RBFOX1: variants seen among roughly 807,000 people sequenced by gnomAD.
RBFOX1 encodes the protein RNA binding fox-1 homolog 1.
RBFOX1 carries 8 observed loss-of-function variants against 57.7 expected under a neutral mutation model. That is an observed-to-expected ratio of 0.14 (90% confidence interval 0.08 to 0.25). The LOEUF is 0.25. Among genes scored for constraint, RBFOX1 ranks in the 10% least tolerant of loss-of-function variants. The probability of loss-of-function intolerance (pLI) is 1.00; values close to 1 mark genes in which losing one functional copy is unlikely to be tolerated. For missense variants in RBFOX1, 611 were observed against 548.5 expected, an observed-to-expected ratio of 1.11 and a Z score of -1.14; for synonymous variants, 326 against 222.4, an observed-to-expected ratio of 1.47 and a Z score of -4.15.
intron 2 of RBFOX1, among the ~76,000 whole-genome samples, chr16:6,587,843 C>T (rs2097651964): frequency 6.6e-6 from 1 of 152,168 alleles, no homozygotes; most frequent in Non-Finnish European, 1.5e-5. Flanking sequence ...TCTCTTTCTA[C>T]CCTCCGTCTT....
intron 3 of RBFOX1, among the ~76,000 whole-genome samples, chr16:6,999,888 A>C (rs902765525): frequency 1.3e-5 from 2 of 152,042 alleles, no homozygotes; most frequent in African/African-American, 2.4e-5. Flanking sequence ...CCTGAGCAAC[A>C]TGGTGAAACC....
chr16:7,519,608 C>A, intron 5 of RBFOX1: 2 of 641,188 alleles, frequency 3.1e-6, no homozygotes, highest in Non-Finnish European at 3.9e-6. Flanking sequence ...AGTAATCATG[C>A]ATACCACAAA....
intron 2 of RBFOX1, among the ~76,000 whole-genome samples, chr16:5,484,299 C>T (rs1269060615): frequency 6.6e-6 from 1 of 152,232 alleles, no homozygotes; most frequent in Non-Finnish European, 1.5e-5. Flanking sequence ...TTCTGGCTGT[C>T]ATTTGGAGAT....
intron 3 of RBFOX1, among the ~76,000 whole-genome samples, chr16:5,799,461 T>A (rs2054988755): frequency 6.6e-6 from 1 of 152,234 alleles, no homozygotes. Context: ...GTTTGAGTTA[T>A]AATTTTTCAA....
intron 4 of RBFOX1, among the ~76,000 whole-genome samples, chr16:7,285,971 C>G (rs981302316): frequency 6.6e-6 from 1 of 152,152 alleles, no homozygotes; most frequent in Non-Finnish European, 1.5e-5. Context: ...TGCTGATAGA[C>G]TTTTAGTTCC....
intron 1 of RBFOX1, among the ~76,000 whole-genome samples, chr16:6,146,863 T>G (rs189606762): frequency 3.4e-4 from 52 of 152,292 alleles, no homozygotes; most frequent in Admixed American, 3.3e-4. Context: ...ACATGGGCAG[T>G]AAAACTGTTA....
intron 3 of RBFOX1, among the ~76,000 whole-genome samples, chr16:6,772,095 G>C (rs1417186006): frequency 6.6e-6 from 1 of 152,136 alleles, no homozygotes; most frequent in Non-Finnish European, 1.5e-5. Context: ...TGGCTTTCCT[G>C]AGGAACAGTC....
intron 3 of RBFOX1, among the ~76,000 whole-genome samples, chr16:6,954,271 C>T (rs982034713): frequency 1.3e-5 from 2 of 152,044 alleles, no homozygotes; most frequent in Non-Finnish European, 2.9e-5. Flanking sequence ...GGTAGCGATT[C>T]TGGTCATCTC....
intron 1 of RBFOX1, among the ~76,000 whole-genome samples, chr16:6,153,935 C>T (rs999315016): frequency 1.4e-4 from 21 of 152,108 alleles, no homozygotes; most frequent in African/African-American, 4.1e-4. Context: ...AAGGTGACCT[C>T]GTTCTAATTT....
chr16:5,904,767 G>A (rs1789029841), intron 4 of RBFOX1, among the ~76,000 whole-genome samples: 2 of 151,758 alleles, frequency 1.3e-5, no homozygotes, highest in South Asian at 4.2e-4. Flanking sequence ...CACGAGGTCA[G>A]GAGATCAAGA....
At chr16:6,759,607 C>G (rs1006733810) in intron 3 of RBFOX1, among the ~76,000 whole-genome samples, 1 of 151,162 alleles carries the variant, frequency 6.6e-6, no homozygotes, top group African/African-American at 2.4e-5. Flanking sequence ...TGTGGCAGAG[C>G]CTTTTGTTCT....
chr16:7,678,789 A>G (rs1568419766), intron 14 of RBFOX1, among the ~76,000 whole-genome samples: 1 of 152,196 alleles, frequency 6.6e-6, no homozygotes, highest in African/African-American at 2.4e-5. Context: ...TTGGAACACC[A>G]TACATGTAAA....
intron 3 of RBFOX1, among the ~76,000 whole-genome samples, chr16:6,821,539 A>G (rs771852822): frequency 2.2e-4 from 33 of 152,176 alleles, no homozygotes; most frequent in Non-Finnish European, 4.7e-4. Context: ...CCTATTAATC[A>G]GATGCTTTTC....
At chr16:6,950,379 C>A (rs1421086749) in intron 3 of RBFOX1, among the ~76,000 whole-genome samples, 2 of 151,442 alleles carry the variant, frequency 1.3e-5, no homozygotes, top group East Asian at 3.9e-4. Context: ...CCTCTGTCCA[C>A]CCACCACCCA....
chr16:6,657,243 T>G (rs2098665375), intron 3 of RBFOX1, among the ~76,000 whole-genome samples: 1 of 151,990 alleles, frequency 6.6e-6, no homozygotes, highest in African/African-American at 2.4e-5. Context: ...TTTCCTTCCT[T>G]CAAATTCCCA....
intron 4 of RBFOX1, among the ~76,000 whole-genome samples, chr16:7,236,130 G>T (rs1177995718): frequency 6.6e-6 from 1 of 152,098 alleles, no homozygotes; most frequent in African/African-American, 2.4e-5. Context: ...TCTTGTTTGT[G>T]TCATATCCTG....
At chr16:6,780,653 A>G (rs946410401) in intron 3 of RBFOX1, among the ~76,000 whole-genome samples, 2 of 145,738 alleles carry the variant, frequency 1.4e-5, no homozygotes, top group African/African-American at 2.5e-5. Flanking sequence ...TTATATATGT[A>G]TATATCTATA....
At chr16:5,926,728 A>G (rs991320182) in intron 4 of RBFOX1, among the ~76,000 whole-genome samples, 4 of 152,220 alleles carry the variant, frequency 2.6e-5, no homozygotes, top group African/African-American at 9.6e-5. Flanking sequence ...TGGATTCATG[A>G]GAATCGCTTT....
At chr16:6,811,590 C>G (rs553302684) in intron 3 of RBFOX1, among the ~76,000 whole-genome samples, 103 of 152,274 alleles carry the variant, frequency 6.8e-4, no homozygotes, top group African/African-American at 2.3e-3. Flanking sequence ...TGGGTGCTAG[C>G]ATGGAAAAGG....
Sources: gnomAD v4.1 joint callset for allele counts (sites outside exome capture counted in the v4.1 genomes callset) on GRCh38, gnomAD v4.1.1 for gene constraint, MANE v1.5 for transcripts, NCBI Gene and HGNC (gene_info 2026-07-23, HGNC 2026-07-21) for gene names.